Variants in VGLL4 observed in about 807,000 individuals in gnomAD.
VGLL4 encodes the protein vestigial like family member 4, also known as transcription cofactor vestigial-like protein 4.
Under a neutral mutation model 21.0 loss-of-function variants are expected in VGLL4, and 7 were observed. The ratio of observed to expected loss-of-function variants is 0.33; its 90% CI spans 0.19 to 0.63. The LOEUF (loss-of-function observed/expected upper bound fraction) is 0.63, where lower values mean the gene tolerates loss of function less well. VGLL4 is among the 20% of genes least tolerant of loss of function. VGLL4 has a pLI of 0.78. For missense variants in VGLL4, 394 were observed against 425.7 expected, an observed-to-expected ratio of 0.93 and a Z score of 0.66; for synonymous variants, 222 against 173.2, an observed-to-expected ratio of 1.28 and a Z score of -2.21.
intron 3 of VGLL4, among the ~76,000 whole-genome samples, chr3:11,564,409 C>T (rs73812471): frequency 0.021 from 3,238 of 151,692 alleles, 137 homozygotes; most frequent in African/African-American, 0.075. Flanking sequence ...CGTAGGACCC[C>T]CCCACCCGAG....
chr3:11,671,178 T>A, intron 2 of VGLL4: 1 of 1,439,072 alleles, frequency 6.9e-7, no homozygotes, highest in Non-Finnish European at 9.4e-7. Flanking sequence ...CACACTTTTC[T>A]TTGCAATACT....
At chr3:11,584,923 T>TCCACCA (rs150855339) in intron 2 of VGLL4, among the ~76,000 whole-genome samples, 31 of 151,400 alleles carry the variant, frequency 2.0e-4, no homozygotes, top group African/African-American at 1.5e-4. Context: ...CACCCAGGGA[T>TCCACCA]CCACCACCAC....
At chr3:11,573,316 GAAGAAAGAAAGA>G (rs1286422799) in intron 2 of VGLL4, among the ~76,000 whole-genome samples, 1,351 of 20,596 alleles carry the variant, frequency 0.066, 54 homozygotes, top group Non-Finnish European at 0.07. Flanking sequence ...AGGAAGGAAG[GAAGAAAGAAAGA>G]AAGAAAGAAA....
At chr3:11,701,309 G>C (rs781401234) in intron 2 of VGLL4, among the ~76,000 whole-genome samples, 1 of 151,924 alleles carries the variant, frequency 6.6e-6, no homozygotes, top group Admixed American at 6.6e-5. Flanking sequence ...CCTGCTCTCC[G>C]TCACCTTCTG....
intron 1 of VGLL4, among the ~76,000 whole-genome samples, chr3:11,630,055 T>C (rs2075443310): frequency 6.6e-6 from 1 of 152,222 alleles, no homozygotes; most frequent in Non-Finnish European, 1.5e-5. Flanking sequence ...CTGGTTTCCA[T>C]GGCTTAGATT....
chr3:11,622,594 A>G (rs558976775), intron 1 of VGLL4, among the ~76,000 whole-genome samples: 12 of 152,370 alleles, frequency 7.9e-5, no homozygotes, highest in African/African-American at 2.9e-4. Flanking sequence ...GAAGAAATAA[A>G]GCAAAACTGA....
At chr3:11,704,337 C>G (rs1688975384) in intron 1 of VGLL4, among the ~76,000 whole-genome samples, 1 of 132,826 alleles carries the variant, frequency 7.5e-6, no homozygotes, top group Non-Finnish European at 1.5e-5. Context: ...GAGCCGAGAT[C>G]GAGCCATTGC....
rs560348310 is a variant in VGLL4, at chr3:11,719,485, G to C, written c.-14+909C>G. On this transcript the variant is annotated intron_variant, in intron 1 of 5. Transcript: ENST00000273038. This position sits in a 1 kb window ranked among gnomAD's most constrained non-coding sequence, Gnocchi z 4.0. ...CTGCGGGGGACCCAGGGGCGGGGAC[G>C]GGACCTGGGCACGCGGGGCGCACCC... 1.7e-4 allele frequency: 25 copies of C among 151,368 alleles called. No homozygotes were observed. In the South Asian group the frequency reaches 1.7e-3, roughly 10 times the overall value. The allele number at this position is 151,368 out of a possible 1,614,324, so 9.4% of individuals were successfully genotyped here. A position where few individuals can be genotyped will look rare whatever the true frequency, so the allele number is the denominator to read the frequency against.
At chr3:11,574,835 G>A (rs973220664) in intron 2 of VGLL4, among the ~76,000 whole-genome samples, 12 of 142,834 alleles carry the variant, frequency 8.4e-5, no homozygotes, top group African/African-American at 2.8e-4. Flanking sequence ...GTGTGTGTGT[G>A]TGTATTTTAA....
upstream of VGLL4, among the ~76,000 whole-genome samples, chr3:11,646,215 T>C (rs2075789034): frequency 1.3e-5 from 2 of 152,168 alleles, no homozygotes; most frequent in African/African-American, 4.8e-5. Flanking sequence ...GTGGGGAGGG[T>C]TGAAGAAAAC....
chr3:11,694,346 C>T (rs58615299), intron 2 of VGLL4, among the ~76,000 whole-genome samples: 4,650 of 152,178 alleles, frequency 0.031, 239 homozygotes, highest in East Asian at 0.18. Flanking sequence ...AGGGGTCAGG[C>T]GCGGTGGCTC....
intron 2 of VGLL4, among the ~76,000 whole-genome samples, chr3:11,696,906 C>G (rs573225629): frequency 1.3e-5 from 2 of 152,044 alleles, no homozygotes; most frequent in Non-Finnish European, 2.9e-5. Flanking sequence ...CCATGCCCAC[C>G]TAATTTTTAA....
intron 1 of VGLL4, among the ~76,000 whole-genome samples, chr3:11,619,625 G>A (rs1483160332): frequency 6.6e-6 from 1 of 152,140 alleles, no homozygotes; most frequent in African/African-American, 2.4e-5. Context: ...TAAGATTTTG[G>A]GGTTAGAGCT....
At chr3:11,712,805 T>C (rs183714542) in intron 1 of VGLL4, among the ~76,000 whole-genome samples, 132 of 152,254 alleles carry the variant, frequency 8.7e-4, no homozygotes, top group African/African-American at 3.1e-3. Context: ...GAGATACCTA[T>C]CAGGCAATAA....
chr3:11,585,570 A>G (rs1349173404), intron 2 of VGLL4, among the ~76,000 whole-genome samples: 1 of 152,320 alleles, frequency 6.6e-6, no homozygotes, highest in East Asian at 1.9e-4. Flanking sequence ...AGGTTTAAGG[A>G]GAAAAAGGGA....
chr3:11,587,255 C>A (rs1330030364), intron 2 of VGLL4, among the ~76,000 whole-genome samples: 2 of 152,210 alleles, frequency 1.3e-5, no homozygotes, highest in Non-Finnish European at 1.5e-5. Flanking sequence ...CAGCAAAGTC[C>A]TCCAATGAGG....
intron 1 of VGLL4, among the ~76,000 whole-genome samples, chr3:11,714,656 G>A (rs947968857): frequency 1.3e-4 from 19 of 151,544 alleles, no homozygotes; most frequent in African/African-American, 4.4e-4. Context: ...CAAGACCGCA[G>A]CCTTATACAG....
chr3:11,719,502 G>C lies in VGLL4; in HGVS notation c.-14+892C>G, dbSNP rs572511941. The C allele has an allele frequency of 6.6e-6, 1 of 151,182 alleles. No individual in the cohort carries two copies. Among genetic ancestry groups the C allele is most frequent in the African/African-American group, 2.4e-5 (1 of 41,342 alleles). The allele number at this position is 151,182 out of a possible 1,614,324, so 9.4% of individuals were successfully genotyped here. On this transcript the variant is annotated intron_variant, in intron 1 of 5. Coordinates refer to the VGLL4 transcript ENST00000273038. This position sits in a 1 kb window ranked among gnomAD's most constrained non-coding sequence, Gnocchi z 4.0. ...GCGGGGACGGGACCTGGGCACGCGGGGCGCACCCCGAGGGCGCGCAGACGC... is the reference window on the plus strand; with the variant it reads ...GCGGGGACGGGACCTGGGCACGCGGCGCGCACCCCGAGGGCGCGCAGACGC...
intron 2 of VGLL4, among the ~76,000 whole-genome samples, chr3:11,693,717 G>C (rs1226473556): frequency 6.6e-6 from 1 of 152,188 alleles, no homozygotes; most frequent in Non-Finnish European, 1.5e-5. Flanking sequence ...AGAGGGCAGA[G>C]CCATGAACGG....
Sources: gnomAD v4.1 joint callset for allele counts (sites outside exome capture counted in the v4.1 genomes callset) on GRCh38, gnomAD v4.1.1 for gene constraint, Gnocchi (gnomAD v3.1) non-coding constraint, MANE v1.5 for transcripts, NCBI Gene and HGNC (gene_info 2026-07-23, HGNC 2026-07-21) for gene names.